The following SGCZ variants were observed in gnomAD, a reference collection of about 807,000 sequenced individuals.
SGCZ encodes zeta-sarcoglycan.
A neutral mutation model predicts 41.3 loss-of-function variants in SGCZ; 40 were observed. The observed-to-expected ratio is 0.97, with a 90% CI of 0.75 to 1.26. SGCZ has a LOEUF of 1.26. Among genes scored for constraint, SGCZ ranks in the 50% most tolerant of loss-of-function variants. SGCZ has a pLI of 0.00. For synonymous variants in SGCZ, 206 were observed against 137.5 expected, an observed-to-expected ratio of 1.50 and a Z score of -3.49; for missense variants, 552 against 369.8, an observed-to-expected ratio of 1.49 and a Z score of -4.04.
At chr8:14,378,587 AAAAC>A (rs1171713742) in intron 2 of SGCZ, among the ~76,000 whole-genome samples, 2 of 152,166 alleles carry the variant, frequency 1.3e-5, no homozygotes, top group Admixed American at 1.3e-4. Context: ...TTACAAGAAA[AAAAC>A]AAACAACCCC....
At chr8:15,070,682 G>C (rs1805317100) in intron 1 of SGCZ, among the ~76,000 whole-genome samples, 1 of 152,140 alleles carries the variant, frequency 6.6e-6, no homozygotes, top group African/African-American at 2.4e-5. Context: ...GCAATTCAAG[G>C]CTCAGTGTGA....
At chr8:14,451,621 C>T (rs570247082) in intron 2 of SGCZ, among the ~76,000 whole-genome samples, 39 of 152,198 alleles carry the variant, frequency 2.6e-4, no homozygotes, top group Middle Eastern at 3.4e-3. Context: ...TCAAAATATA[C>T]GACAAACTCT....
At chr8:14,384,345 T>G (rs183040741) in intron 2 of SGCZ, among the ~76,000 whole-genome samples, 25 of 152,184 alleles carry the variant, frequency 1.6e-4, no homozygotes, top group African/African-American at 6.0e-4. Context: ...CTGCTCACAA[T>G]AGCAAAGATT....
At chr8:14,883,235 T>TAA (rs370971113) in intron 1 of SGCZ, among the ~76,000 whole-genome samples, 6,516 of 137,922 alleles carry the variant, frequency 0.047, 196 homozygotes, top group Non-Finnish European at 0.064. Flanking sequence ...TTGGGCTACT[T>TAA]AAAAAAAAAA....
intron 1 of SGCZ, among the ~76,000 whole-genome samples, chr8:14,797,708 C>T (rs1801181614): frequency 6.6e-6 from 1 of 152,210 alleles, no homozygotes; most frequent in Admixed American, 6.5e-5. Flanking sequence ...GTGGCAGCCC[C>T]TCCCATCACA....
chr8:14,920,879 C>T (rs766380914), intron 1 of SGCZ, among the ~76,000 whole-genome samples: 5 of 152,142 alleles, frequency 3.3e-5, no homozygotes, highest in African/African-American at 7.2e-5. Flanking sequence ...CTGTGCTGGG[C>T]ACCGCATGCC....
At chr8:14,572,829 C>G (rs1166763376) in intron 1 of SGCZ, among the ~76,000 whole-genome samples, 2 of 152,102 alleles carry the variant, frequency 1.3e-5, no homozygotes, top group African/African-American at 4.8e-5. Context: ...GAATAGAAAC[C>G]AGATTTTTAA....
At chr8:14,107,109 G>A (rs771287416) in intron 6 of SGCZ, among the ~76,000 whole-genome samples, 3 of 152,026 alleles carry the variant, frequency 2.0e-5, no homozygotes, top group Admixed American at 6.6e-5. Flanking sequence ...CTAGCTACTC[G>A]AGAGGCTGAG....
intron 1 of SGCZ, among the ~76,000 whole-genome samples, chr8:14,624,559 T>TATTTATTTA (rs1563161354): frequency 1.1e-5 from 1 of 94,446 alleles, no homozygotes; most frequent in African/African-American, 4.2e-5. Context: ...ATTATTATTT[T>TATTTATTTA]TTTTTTTTTT....
At chr8:15,002,661 TG>T (rs1466835101) in intron 1 of SGCZ, among the ~76,000 whole-genome samples, 2 of 152,198 alleles carry the variant, frequency 1.3e-5, no homozygotes, top group African/African-American at 4.8e-5. Flanking sequence ...TCAAGCTTTT[TG>T]GGGGGAAATC....
chr8:15,116,067 T>C lies in SGCZ; in HGVS notation c.39+121518A>G, dbSNP rs185909437. Among the ~76,000 whole-genome samples the C allele has an allele frequency of 2.1e-3, 326 of 152,286 alleles. 1 individual carries two copies. The highest frequency in any genetic ancestry group is 7.6e-3 in the African/African-American group (317 of 41,564). ...AACAATATATAAGCAAATGAATAGC[T>C]TCATTCCAATCAAAAACTTATTCAC... On this transcript the variant is annotated intron_variant, in intron 1 of 7. Coordinates refer to ENST00000382080, the MANE Select transcript of SGCZ (RefSeq NM_139167.4).
intron 1 of SGCZ, among the ~76,000 whole-genome samples, chr8:14,947,133 A>C (rs368458447): frequency 2.4e-4 from 36 of 152,216 alleles, no homozygotes; most frequent in African/African-American, 8.7e-4. Flanking sequence ...GAAAAGCAAC[A>C]CTCTCATCTA....
intron 1 of SGCZ, among the ~76,000 whole-genome samples, chr8:14,752,996 G>A (rs375764328): frequency 6.6e-6 from 1 of 152,098 alleles, no homozygotes. Flanking sequence ...CAATTGGTCT[G>A]TTTTCATTCT....
intron 4 of SGCZ, among the ~76,000 whole-genome samples, chr8:14,206,548 A>G (rs942651264): frequency 6.6e-6 from 1 of 152,210 alleles, no homozygotes; most frequent in Admixed American, 6.6e-5. Flanking sequence ...CTGCTTTATT[A>G]GAGATAATTT....
chr8:14,359,651 G>C (rs1175594290), intron 2 of SGCZ, among the ~76,000 whole-genome samples: 4 of 151,872 alleles, frequency 2.6e-5, no homozygotes, highest in East Asian at 1.9e-4. Flanking sequence ...TCTCAGCAAA[G>C]AAAAGCCCAA....
intron 2 of SGCZ, among the ~76,000 whole-genome samples, chr8:14,330,189 C>T (rs1563261170): frequency 6.6e-6 from 1 of 152,084 alleles, no homozygotes; most frequent in Non-Finnish European, 1.5e-5. Flanking sequence ...ATTTTTACCT[C>T]TTCTTTAAAA....
intron 1 of SGCZ, among the ~76,000 whole-genome samples, chr8:14,994,335 G>C (rs1254945415): frequency 6.6e-6 from 1 of 152,140 alleles, no homozygotes; most frequent in Non-Finnish European, 1.5e-5. Flanking sequence ...TGTAATCCCA[G>C]CACTTTGGGA....
intron 1 of SGCZ, among the ~76,000 whole-genome samples, chr8:15,043,278 A>T (rs2130981315): frequency 6.6e-6 from 1 of 152,308 alleles, no homozygotes; most frequent in African/African-American, 2.4e-5. Flanking sequence ...GAAGGTTAGA[A>T]AATTCAGTGA....
chr8:15,033,847 T>G (rs772337404), intron 1 of SGCZ, among the ~76,000 whole-genome samples: 8 of 152,108 alleles, frequency 5.3e-5, no homozygotes, highest in Non-Finnish European at 1.2e-4. Flanking sequence ...TCAGGCACCG[T>G]ACTCAACCCC....
Sources: gnomAD v4.1 joint callset for allele counts (sites outside exome capture counted in the v4.1 genomes callset) on GRCh38, gnomAD v4.1.1 for gene constraint, MANE v1.5 for transcripts, NCBI Gene and HGNC (gene_info 2026-07-23, HGNC 2026-07-21) for gene names.